The following CD300LG variants were observed in gnomAD, a reference collection of about 807,000 sequenced individuals.
CD300LG encodes CD300 molecule like family member g.
CD300LG carries 29 observed loss-of-function variants against 31.5 expected under a neutral mutation model. That is an observed-to-expected ratio of 0.92 (90% CI 0.68 to 1.25). The LOEUF (loss-of-function observed/expected upper bound fraction) is 1.25, where lower values mean the gene tolerates loss of function less well. CD300LG is among the 50% of genes most tolerant of loss of function. The pLI is 0.00. For missense variants in CD300LG, 396 were observed against 417.6 expected, an observed-to-expected ratio of 0.95 and a Z score of 0.45; for synonymous variants, 175 against 177.2, an observed-to-expected ratio of 0.99 and a Z score of 0.10.
At position 43,857,173 on chromosome 17, in the gene CD300LG, A is replaced by G. The variant is rs750700415; in HGVS notation, c.885+17A>G. 5 of 1,613,792 alleles carry G rather than the reference A, an allele frequency of 3.1e-6. No homozygotes were observed. The South Asian group carries it at 5.5e-5, about 18-fold the overall frequency. ...TCACGCTTGGTAAGGACAGAGGCAT[A>G]TGGAAGCCCAAGCTCAGATCCCCTT... On this transcript the variant is annotated intron_variant, in intron 6 of 6. Coordinates refer to ENST00000317310, the MANE Select transcript of CD300LG (RefSeq NM_145273.4).
intron 1 of CD300LG, among the ~76,000 whole-genome samples, 154 bp downstream of exon 1, chr17:43,847,413 G>T (rs2143268318): frequency 6.6e-6 from 1 of 152,270 alleles, no homozygotes; most frequent in Non-Finnish European, 1.5e-5. Flanking sequence ...GGGGAGGTGG[G>T]GGTGGCGCCG....
At chr17:43,858,016 C>T in intron 6 of CD300LG, 3 of 1,459,544 alleles carry the variant, frequency 2.1e-6, no homozygotes, top group East Asian at 2.5e-5. Context: ...CATCGCACTT[C>T]AGGCAACAGA....
chr17:43,856,964 T>C lies in CD300LG; in HGVS notation c.833-140T>C, dbSNP rs1433125362. 2.7e-5 allele frequency: 20 copies of C among 746,632 alleles called. No homozygotes were observed. The East Asian group carries it at 5.4e-4, about 20-fold the overall frequency. 46.3% of individuals were successfully genotyped at this position (746,632 alleles called of 1,614,324 possible). ...GGGGCTAAGCTGGAAGGGGCTCCTC[T>C]GCCCATCTGGCTGCCTCCTCCCTCT... On this transcript the variant is annotated intron_variant, in intron 5 of 6. Transcript: ENST00000317310.
rs780363605 is a variant in CD300LG at position 43,847,221 on chromosome 17, G to T, written c.5G>T (p.Arg2Leu). The T allele has an allele frequency of 2.5e-6, 4 of 1,613,880 alleles. No homozygotes were observed. The highest frequency in any genetic ancestry group is 3.4e-6 in the Non-Finnish European group (4 of 1,179,880). M[R>L]LLVLLWGCLL... is the part of the protein sequence containing the mutation. Reference sequence around the variant, plus strand: ...CCACGGTGTCCAGCGCCCAGAATGCGGCTTCTGGTCCTGCTATGGGGTTGC... The same window carrying T: ...CCACGGTGTCCAGCGCCCAGAATGCTGCTTCTGGTCCTGCTATGGGGTTGC... Residue 2 changes from arginine (R) to leucine (L), a missense_variant, in exon 1 of 7, where the codon CGG (arginine) becomes CTG (leucine). Physicochemically the swap from Arg to Leu is moderately radical, Grantham distance 102. Coordinates refer to ENST00000317310, the MANE Select transcript of CD300LG (RefSeq NM_145273.4).
At chr17:43,856,449 G>A (rs1478171862) in intron 5 of CD300LG, among the ~76,000 whole-genome samples, 1 of 152,224 alleles carries the variant, frequency 6.6e-6, no homozygotes, top group Non-Finnish European at 1.5e-5. Flanking sequence ...GGGAGAAACT[G>A]AGGCACAGAG....
intron 2 of CD300LG, among the ~76,000 whole-genome samples, chr17:43,852,340 A>G (rs1218690637): frequency 6.6e-6 from 1 of 151,804 alleles, no homozygotes; most frequent in East Asian, 1.9e-4. Context: ...TCAGCCTCCC[A>G]AGTAGCTGGG....
chr17:43,857,179 G>A (rs2046547401), intron 6 of CD300LG, 23 bp downstream of exon 6: 3 of 1,613,434 alleles, frequency 1.9e-6, no homozygotes, highest in East Asian at 4.5e-5. Context: ...GCATATGGAA[G>A]CCCAAGCTCA....
intron 2 of CD300LG, among the ~76,000 whole-genome samples, chr17:43,850,759 G>T (rs8068019): frequency 0.26 from 39,561 of 152,030 alleles, 7,160 homozygotes; most frequent in African/African-American, 0.51. Flanking sequence ...ATTACTGGCA[G>T]AAGCCACTGT....
intron 2 of CD300LG, among the ~76,000 whole-genome samples, chr17:43,852,221 T>C (rs895016640): frequency 6.6e-6 from 1 of 151,552 alleles, no homozygotes; most frequent in African/African-American, 2.4e-5. Flanking sequence ...TTTTTTTTTT[T>C]AGAGACGAAG....
chr17:43,856,081 A>G (rs1009490661), intron 5 of CD300LG, among the ~76,000 whole-genome samples: 1 of 152,222 alleles, frequency 6.6e-6, no homozygotes, highest in African/African-American at 2.4e-5. Context: ...AACTAGGACT[A>G]CAGGCATGAG....
At chr17:43,859,485 C>A (rs554542929) in intron 6 of CD300LG, among the ~76,000 whole-genome samples, 6 of 152,284 alleles carry the variant, frequency 3.9e-5, no homozygotes, top group Admixed American at 3.9e-4. Context: ...CGATAGTGGG[C>A]CTGGCTGCTG....
In CD300LG at chr17:43,862,039, T is replaced by G; in HGVS notation, c.*128T>G. 1 of 583,038 alleles carries G rather than the reference T, an allele frequency of 1.7e-6. No individual in the cohort carries two copies. The highest frequency in any genetic ancestry group is 2.9e-6 in the Non-Finnish European group (1 of 342,560). 36.1% of individuals were successfully genotyped at this position (583,038 alleles called of 1,614,324 possible). On this transcript the variant is annotated 3_prime_UTR_variant, in exon 7 of 7. Transcript: ENST00000317310. The stretch of plus-strand genomic sequence containing the variant: ...CCGGACTCCAGGGCTCTCCCCACCC[T>G]CCCCAGGCTCTCCTCTTGCATGTTC...
intron 6 of CD300LG, 74 bp from the exon 7 acceptor site, chr17:43,861,724 C>G (rs1007851000): frequency 3.1e-6 from 3 of 982,582 alleles, no homozygotes; most frequent in African/African-American, 3.3e-5. Context: ...CAGCAGCTAC[C>G]TGGGGACCAC....
At chr17:43,858,208 G>A (rs888260998) in intron 6 of CD300LG, 1 of 1,114,390 alleles carries the variant, frequency 9.0e-7, no homozygotes, top group African/African-American at 1.6e-5. Context: ...TTGGGCTGTG[G>A]CTTAGGAAGC....
At chr17:43,860,735 T>C (rs992372351) in intron 6 of CD300LG, among the ~76,000 whole-genome samples, 1 of 152,258 alleles carries the variant, frequency 6.6e-6, no homozygotes, top group African/African-American at 2.4e-5. Flanking sequence ...TGTCCAACTT[T>C]GCTGTCTCTT....
chr17:43,852,236 G>T (rs1398349861), intron 2 of CD300LG, among the ~76,000 whole-genome samples: 46 of 148,808 alleles, frequency 3.1e-4, no homozygotes, highest in Non-Finnish European at 1.0e-4. Flanking sequence ...ACGAAGTTTT[G>T]CTGTTGTTGC....
chr17:43,856,461 G>GTT (rs1246962940), intron 5 of CD300LG, among the ~76,000 whole-genome samples: 1 of 152,228 alleles, frequency 6.6e-6, no homozygotes, highest in Non-Finnish European at 1.5e-5. Flanking sequence ...GGCACAGAGT[G>GTT]GTTAAGCAGC....
chr17:43,858,294 C>A, intron 6 of CD300LG: 1 of 1,012,050 alleles, frequency 9.9e-7, no homozygotes, highest in Non-Finnish European at 1.2e-6. Flanking sequence ...TGGAGACACA[C>A]GGATGGATGG....
intron 1 of CD300LG, among the ~76,000 whole-genome samples, chr17:43,847,896 A>G (rs1488101279): frequency 6.6e-6 from 1 of 152,154 alleles, no homozygotes; most frequent in Non-Finnish European, 1.5e-5. Flanking sequence ...GGCTACAGTG[A>G]GCCATGAGCA....
Sources: gnomAD v4.1 joint callset for allele counts (sites outside exome capture counted in the v4.1 genomes callset) on GRCh38, gnomAD v4.1.1 for gene constraint, MANE v1.5 for transcripts, NCBI Gene and HGNC (gene_info 2026-07-23, HGNC 2026-07-21) for gene names.